The following FAM178B variants were observed in gnomAD, a reference collection of about 807,000 sequenced individuals.
FAM178B encodes the protein family with sequence similarity 178 member B, also known as protein FAM178B.
Under a neutral mutation model 91.7 loss-of-function variants are expected in FAM178B, and 82 were observed. The observed-to-expected ratio is 0.89, with a 90% CI of 0.75 to 1.07. The LOEUF (loss-of-function observed/expected upper bound fraction) is 1.07, where lower values mean the gene tolerates loss of function less well. Among genes scored for constraint, FAM178B ranks in the 50% least tolerant of loss-of-function variants. The pLI, the probability that FAM178B is intolerant of heterozygous loss-of-function variation, is 0.00. For missense variants in FAM178B, 769 were observed against 846.7 expected (o/e 0.91, Z 1.14); for synonymous variants, 368 against 359.4 (o/e 1.02, Z -0.27).
At chr2:96,878,906 C>T (rs1256586028) in intron 14 of FAM178B, among the ~76,000 whole-genome samples, 1 of 152,238 alleles carries the variant, frequency 6.6e-6, no homozygotes, top group African/African-American at 2.4e-5. Context: ...TGCAGCCTGC[C>T]TGGACAGTCG....
chr2:96,906,983 G>A (rs2081069338), intron 12 of FAM178B, among the ~76,000 whole-genome samples: 1 of 152,226 alleles, frequency 6.6e-6, no homozygotes, highest in Non-Finnish European at 1.5e-5. Flanking sequence ...GGGGGTGAGG[G>A]GAGCAGGCAG....
At chr2:96,888,270 C>T (rs2153367991) in intron 14 of FAM178B, among the ~76,000 whole-genome samples, 1 of 152,358 alleles carries the variant, frequency 6.6e-6, no homozygotes, top group East Asian at 1.9e-4. Flanking sequence ...TCTGAATATC[C>T]ATTTTCTGTT....
chr2:96,900,171 C>T (rs1035161194), intron 13 of FAM178B, among the ~76,000 whole-genome samples: 4 of 152,176 alleles, frequency 2.6e-5, no homozygotes, highest in Admixed American at 1.3e-4. Flanking sequence ...TGGGCCTGTC[C>T]GTCAGCCTGC....
chr2:96,971,847 G>A (rs2082222590), intron 3 of FAM178B, 54 bp downstream of exon 3: 1 of 1,429,254 alleles, frequency 7.0e-7, no homozygotes, highest in Non-Finnish European at 9.2e-7. Context: ...CTGTAAAAGG[G>A]TGGCTAAAGA....
chr2:96,960,543 T>C (rs189155623), intron 5 of FAM178B, 103 bp from the exon 6 acceptor site: 131 of 1,335,756 alleles, frequency 9.8e-5, no homozygotes, highest in Non-Finnish European at 1.2e-4. Flanking sequence ...ACGGGCTCCC[T>C]GCCTTGCAGT....
At chr2:96,931,081 A>G (rs1275679066) in intron 8 of FAM178B, among the ~76,000 whole-genome samples, 1 of 152,216 alleles carries the variant, frequency 6.6e-6, no homozygotes, top group Non-Finnish European at 1.5e-5. Flanking sequence ...GGGAGACTGA[A>G]AACAAGTCAT....
intron 14 of FAM178B, among the ~76,000 whole-genome samples, chr2:96,884,305 C>A (rs1159602534): frequency 6.6e-6 from 1 of 152,172 alleles, no homozygotes; most frequent in Non-Finnish European, 1.5e-5. Context: ...ACAAGCTCCC[C>A]GGGTGTGCGT....
intron 6 of FAM178B, 91 bp downstream of exon 6, chr2:96,960,197 C>A (rs1438441431): frequency 7.0e-7 from 1 of 1,422,172 alleles, no homozygotes. Flanking sequence ...TTCGAACTTC[C>A]CCCTTTGGGG....
chr2:96,956,272 C>T (rs2081998344), intron 6 of FAM178B, among the ~76,000 whole-genome samples: 1 of 152,214 alleles, frequency 6.6e-6, no homozygotes, highest in African/African-American at 2.4e-5. Context: ...TATCAGCTTC[C>T]GTCATAATGA....
intron 9 of FAM178B, 111 bp from the exon 10 acceptor site, chr2:96,923,694 C>T (rs998709463): frequency 1.3e-6 from 1 of 753,898 alleles, no homozygotes; most frequent in Admixed American, 2.1e-5. Flanking sequence ...CCGCTGGACA[C>T]AGCAAATTCT....
chr2:96,947,491 G>T (rs898312691), intron 8 of FAM178B, among the ~76,000 whole-genome samples: 3 of 152,186 alleles, frequency 2.0e-5, no homozygotes, highest in Non-Finnish European at 4.4e-5. Context: ...GAAGGACTTG[G>T]GGGTGAGCTG....
rs556666205 is a variant in FAM178B at position 96,930,140 on chromosome 2, T to C, written c.1079-820A>G. ...TGAACTTGGGAGGTGGAGGTTGTAA[T>C]GAGCTGACATAGAGCCACTGCACTC... On this transcript the variant is annotated intron_variant, in intron 8 of 16. Transcript: ENST00000490605. 8.0e-5 allele frequency among the ~76,000 whole-genome samples: 11 copies of C among 137,640 alleles called. No individual in the cohort carries two copies. In the South Asian group the frequency reaches 2.5e-3, roughly 31 times the overall value. The allele number at this position is 137,640 out of a possible 152,430, so 90.3% of individuals were successfully genotyped here. A position where few individuals can be genotyped will look rare whatever the true frequency, so the allele number is the denominator to read the frequency against.
intron 14 of FAM178B, among the ~76,000 whole-genome samples, chr2:96,885,310 C>T (rs559992192): frequency 1.3e-5 from 2 of 152,374 alleles, no homozygotes; most frequent in South Asian, 4.1e-4. Flanking sequence ...CAGCACGTGC[C>T]CACACCCTCC....
intron 8 of FAM178B, among the ~76,000 whole-genome samples, chr2:96,931,907 T>G (rs1270085870): frequency 6.6e-6 from 1 of 151,636 alleles, no homozygotes; most frequent in Non-Finnish European, 1.5e-5. Context: ...AGAGTGGTAA[T>G]GATACCCCTT....
chr2:96,961,312 G>GGTGTGTGTGTGTGT (rs70964889), intron 5 of FAM178B, among the ~76,000 whole-genome samples: 7 of 146,756 alleles, frequency 4.8e-5, no homozygotes, highest in African/African-American at 1.8e-4. Context: ...AGCAGCAGAG[G>GGTGTGTGTGTGTGT]GTGTGTGTGT....
chr2:96,909,637 C>T (rs756922773), intron 12 of FAM178B, among the ~76,000 whole-genome samples: 6 of 152,216 alleles, frequency 3.9e-5, no homozygotes, highest in Non-Finnish European at 5.9e-5. Context: ...CACAACACAA[C>T]GCAGTTAACA....
At chr2:96,904,349 A>G (rs2080990205) in intron 12 of FAM178B, among the ~76,000 whole-genome samples, 1 of 152,028 alleles carries the variant, frequency 6.6e-6, no homozygotes, top group South Asian at 2.1e-4. Flanking sequence ...CAGACACAAA[A>G]AATGTATCTG....
chr2:96,905,834 A>ATATG (rs1553498350), intron 12 of FAM178B, among the ~76,000 whole-genome samples: 3 of 23,026 alleles, frequency 1.3e-4, no homozygotes, highest in South Asian at 8.7e-4. Flanking sequence ...ATATATATAT[A>ATATG]TATATATATA....
intron 8 of FAM178B, among the ~76,000 whole-genome samples, chr2:96,939,718 A>T (rs993914921): frequency 6.6e-6 from 1 of 152,090 alleles, no homozygotes; most frequent in Non-Finnish European, 1.5e-5. Flanking sequence ...ACCACAGAGG[A>T]GATGGCACGC....
Sources: gnomAD v4.1 joint callset for allele counts (sites outside exome capture counted in the v4.1 genomes callset) on GRCh38, gnomAD v4.1.1 for gene constraint, MANE v1.5 for transcripts, NCBI Gene and HGNC (gene_info 2026-07-23, HGNC 2026-07-21) for gene names.